The following NTM variants were observed in gnomAD, a reference collection of about 807,000 sequenced individuals.
NTM encodes IgLON family member 2.
A neutral mutation model predicts 42.1 loss-of-function variants in NTM; 13 were observed. The observed-to-expected ratio is 0.31, with a 90% CI of 0.20 to 0.49. NTM has a LOEUF of 0.49. NTM is among the 20% of genes least tolerant of loss of function. The probability of loss-of-function intolerance (pLI) is 0.99; values close to 1 mark genes in which losing one functional copy is unlikely to be tolerated. For missense variants in NTM, 373 were observed against 452.8 expected, an observed-to-expected ratio of 0.82 and a Z score of 1.60; for synonymous variants, 187 against 179.2, an observed-to-expected ratio of 1.04 and a Z score of -0.35.
In NTM at chr11:132,227,395, A is replaced by G. The variant is rs530067298; in HGVS notation, c.526+15248A>G. 2.0e-5 allele frequency among the ~76,000 whole-genome samples: 3 copies of G among 152,318 alleles called. No homozygotes were observed. In the East Asian group the frequency reaches 5.8e-4, roughly 29 times the overall value. ...ATTAGAAAGAGGGAGAATGGGTTAA[A>G]GAAGTTGAGATAGTAATTAATTTTG... is the stretch of plus-strand genomic sequence containing the variant. On this transcript the variant is annotated intron_variant, in intron 4 of 8. Coordinates refer to ENST00000683400, the MANE Select transcript of NTM (RefSeq NM_001352005.2).
intron 1 of NTM, among the ~76,000 whole-genome samples, chr11:131,730,827 CT>C (rs1264920330): frequency 1.3e-5 from 2 of 151,964 alleles, no homozygotes; most frequent in African/African-American, 4.8e-5. Context: ...TCAAGGAGTT[CT>C]GTTAGAATCA....
chr11:131,446,444 A>G (rs1591688050), intron 1 of NTM, among the ~76,000 whole-genome samples: 1 of 152,174 alleles, frequency 6.6e-6, no homozygotes, highest in African/African-American at 2.4e-5. Context: ...TCAGAGTTTT[A>G]GACAAACTCT....
intron 3 of NTM, among the ~76,000 whole-genome samples, chr11:132,200,717 G>C (rs926570332): frequency 6.6e-6 from 1 of 152,042 alleles, no homozygotes; most frequent in Non-Finnish European, 1.5e-5. Flanking sequence ...GCAGAGCTGA[G>C]AGCCGAGAGC....
chr11:131,495,055 T>G (rs1300050287), intron 1 of NTM, among the ~76,000 whole-genome samples: 3 of 152,188 alleles, frequency 2.0e-5, no homozygotes, highest in South Asian at 2.1e-4. Flanking sequence ...TGAAGGAAGC[T>G]GAGAATTAAA....
intron 1 of NTM, among the ~76,000 whole-genome samples, chr11:131,723,958 C>T (rs929492780): frequency 1.3e-5 from 2 of 152,144 alleles, no homozygotes; most frequent in East Asian, 1.9e-4. Flanking sequence ...TTCTTTGAAC[C>T]GAATAAAGAA....
At chr11:132,073,753 C>T (rs746382153) in intron 2 of NTM, among the ~76,000 whole-genome samples, 1 of 152,134 alleles carries the variant, frequency 6.6e-6, no homozygotes, top group Non-Finnish European at 1.5e-5. Context: ...TAAATCCTGT[C>T]GCTAAAGAGC....
intron 1 of NTM, among the ~76,000 whole-genome samples, chr11:131,865,471 C>T (rs964712420): frequency 6.6e-6 from 1 of 152,218 alleles, no homozygotes; most frequent in Non-Finnish European, 1.5e-5. Context: ...CTCACCCAGC[C>T]TAACAATTCC....
intron 2 of NTM, among the ~76,000 whole-genome samples, chr11:131,981,972 A>G (rs917392155): frequency 2.0e-5 from 3 of 152,144 alleles, no homozygotes; most frequent in Admixed American, 6.6e-5. Flanking sequence ...AGATTGCACC[A>G]CTGCACTCCA....
At chr11:131,895,589 T>A (rs2052139055) in intron 1 of NTM, among the ~76,000 whole-genome samples, 1 of 152,038 alleles carries the variant, frequency 6.6e-6, no homozygotes, top group African/African-American at 2.4e-5. Flanking sequence ...AAATCTACAG[T>A]CCATTACAAT....
At chr11:131,423,616 C>T (rs931928036) in intron 1 of NTM, among the ~76,000 whole-genome samples, 6 of 152,110 alleles carry the variant, frequency 3.9e-5, no homozygotes, top group African/African-American at 9.7e-5. Flanking sequence ...GGCACAAAGT[C>T]GACTAAAGGG....
chr11:131,659,027 T>C lies in NTM; in HGVS notation c.83-252537T>C, dbSNP rs1046924772. 3.3e-5 allele frequency among the ~76,000 whole-genome samples: 5 copies of C among 152,236 alleles called. 1 individual carries two copies. Among genetic ancestry groups the C allele is most frequent in the Middle Eastern group, 6.8e-3 (2 of 294 alleles). ...AGGCAGAGAGAGCATCCCTGTGCAATAGAGGAAGACATGTAGGTATAGATA... is the reference window on the plus strand; with the variant it reads ...AGGCAGAGAGAGCATCCCTGTGCAACAGAGGAAGACATGTAGGTATAGATA... On this transcript the variant is annotated intron_variant, in intron 1 of 8. Coordinates refer to ENST00000683400, the MANE Select transcript of NTM (RefSeq NM_001352005.2).
chr11:132,078,430 G>T (rs1403639478), intron 2 of NTM, among the ~76,000 whole-genome samples: 1 of 152,228 alleles, frequency 6.6e-6, no homozygotes, highest in Non-Finnish European at 1.5e-5. Context: ...AGTGCCACCG[G>T]TGACGCTAGC....
intron 1 of NTM, among the ~76,000 whole-genome samples, chr11:131,787,670 C>T (rs982700743): frequency 1.3e-5 from 2 of 152,148 alleles, no homozygotes; most frequent in South Asian, 4.1e-4. Context: ...GTGTGAGCCA[C>T]GGCGCTCGGC....
intron 1 of NTM, among the ~76,000 whole-genome samples, chr11:131,734,876 A>G (rs2080209514): frequency 6.6e-6 from 1 of 152,250 alleles, no homozygotes; most frequent in Non-Finnish European, 1.5e-5. Context: ...TAATAAGAAC[A>G]AAGAATAATT....
At chr11:132,236,949 G>A (rs931109010) in intron 4 of NTM, among the ~76,000 whole-genome samples, 14 of 152,142 alleles carry the variant, frequency 9.2e-5, no homozygotes, top group Non-Finnish European at 1.9e-4. Context: ...GGGAGACCAG[G>A]GGCCCAGATC....
chr11:131,995,910 G>A (rs1299022998), intron 2 of NTM, among the ~76,000 whole-genome samples: 2 of 152,114 alleles, frequency 1.3e-5, no homozygotes, highest in Non-Finnish European at 2.9e-5. Context: ...GAGGGGTCTG[G>A]CATCTCATTG....
At chr11:132,325,911 G>T (rs1022794765) in intron 7 of NTM, among the ~76,000 whole-genome samples, 1 of 151,640 alleles carries the variant, frequency 6.6e-6, no homozygotes, top group African/African-American at 2.4e-5. Flanking sequence ...GCAAACTATC[G>T]CAAGGACAAA....
intron 1 of NTM, among the ~76,000 whole-genome samples, chr11:131,438,372 G>A (rs1362889703): frequency 2.0e-5 from 3 of 152,182 alleles, no homozygotes; most frequent in African/African-American, 7.2e-5. Context: ...GTCCTGAAGA[G>A]TGTTTTCCAA....
intron 3 of NTM, among the ~76,000 whole-genome samples, chr11:132,188,019 G>T (rs1057311926): frequency 1.3e-5 from 2 of 152,186 alleles, no homozygotes; most frequent in African/African-American, 4.8e-5. Flanking sequence ...TAGCCCAGCA[G>T]CTCTGCAGAG....
Sources: allele counts gnomAD v4.1 joint callset (sites outside exome capture counted in the v4.1 genomes callset), GRCh38; gene constraint gnomAD v4.1.1; transcripts MANE v1.5; gene names NCBI Gene and HGNC (gene_info 2026-07-23, HGNC 2026-07-21).